Variants in LGSN observed in about 807,000 individuals in gnomAD.
The protein encoded by LGSN is lengsin, lens protein with glutamine synthetase domain, also known as lengsin.
A neutral mutation model predicts 19.5 loss-of-function variants in LGSN; 21 were observed. The observed-to-expected ratio is 1.07, with a 90% CI of 0.76 to 1.55. LGSN has a LOEUF of 1.55. Ranked by LOEUF, LGSN falls within the 40% of genes most tolerant of loss-of-function variation. LGSN has a pLI of 0.00. For missense variants in LGSN, 673 were observed against 608.5 expected, an observed-to-expected ratio of 1.11 and a Z score of -1.12; for synonymous variants, 257 against 215.6, an observed-to-expected ratio of 1.19 and a Z score of -1.68.
In LGSN at chr6:63,309,468, T is replaced by C. The variant is rs533464566; in HGVS notation, c.30+10446A>G. Reference sequence around the variant, plus strand: ...AATAAAGCTCTTCCATTTTCCATCTTTTGTCACCTGGATTGACACAATTTT... The same window carrying C: ...AATAAAGCTCTTCCATTTTCCATCTCTTGTCACCTGGATTGACACAATTTT... On this transcript the variant is annotated intron_variant, in intron 1 of 3. Transcript: ENST00000370657. 2.0e-5 allele frequency among the ~76,000 whole-genome samples: 3 copies of C among 152,304 alleles called. No homozygotes were observed. The South Asian group carries it at 6.2e-4, about 32-fold the overall frequency.
rs367898201 is a variant in LGSN, at chr6:63,278,473, AGT to A, written c.*1546_*1547del. 7 of 152,096 alleles carry A rather than the reference AGT, an allele frequency of 4.6e-5. No individual in the cohort carries two copies. Among genetic ancestry groups the A allele is most frequent in the African/African-American group, 1.7e-4 (7 of 41,458 alleles). The allele number at this position is 152,096 out of a possible 1,614,324, so 9.4% of individuals were successfully genotyped here. A position where few individuals can be genotyped will look rare whatever the true frequency, so the allele number is the denominator to read the frequency against. On this transcript the variant is annotated 3_prime_UTR_variant, in exon 4 of 4. Coordinates refer to ENST00000370657, the MANE Select transcript of LGSN (RefSeq NM_016571.3). ...TTTATTCTTCTCTTTTTTTTAAGAC[AGT>A]GTCTCACTCTGTCACCCAAGCTGGA...
the LGSN span, among the ~76,000 whole-genome samples, chr6:63,486,824 T>A: frequency 3.2e-5 from 4 of 126,034 alleles, no homozygotes; most frequent in African/African-American, 1.9e-4. Context: ...GTTTATTTTA[T>A]TATTATTATT....
At chr6:63,481,147 T>C in the LGSN span, among the ~76,000 whole-genome samples, 1 of 151,982 alleles carries the variant, frequency 6.6e-6, no homozygotes, top group Non-Finnish European at 1.5e-5. Context: ...TGTTCTCACT[T>C]ATAAGTGGAA....
At chr6:63,509,213 C>T in the LGSN span, among the ~76,000 whole-genome samples, 1 of 151,722 alleles carries the variant, frequency 6.6e-6, no homozygotes, top group Non-Finnish European at 1.5e-5. Context: ...TACAGGCGCA[C>T]ACCACCACTT....
the LGSN span, among the ~76,000 whole-genome samples, chr6:63,517,968 C>A: frequency 6.6e-6 from 1 of 152,100 alleles, no homozygotes; most frequent in Non-Finnish European, 1.5e-5. Context: ...GCCTGGCCAG[C>A]ATGGTGAAAC....
chr6:63,520,771 T>C, the LGSN span, among the ~76,000 whole-genome samples: 2 of 152,192 alleles, frequency 1.3e-5, no homozygotes, highest in Non-Finnish European at 2.9e-5. Context: ...ATGATTAGTG[T>C]CAGAGTTACT....
chr6:63,319,851 A>AT lies in LGSN; in HGVS notation c.30+62dup, dbSNP rs200879876. 6.4e-4 allele frequency: 758 copies of AT among 1,192,244 alleles called. 5 individuals are homozygous for AT. In the African/African-American group the frequency reaches 9.7e-3, roughly 15 times the overall value. 73.9% of individuals were successfully genotyped at this position (1,192,244 alleles called of 1,614,324 possible). A position where few individuals can be genotyped will look rare whatever the true frequency, so the allele number is the denominator to read the frequency against. The stretch of plus-strand genomic sequence containing the variant: ...TCTTACTGGCATTCAAATAATTGAC[A>AT]TTTTTTAAAAAGATTTACTGTCAAT... On this transcript the variant is annotated intron_variant, in intron 1 of 3. Coordinates refer to ENST00000370657, the MANE Select transcript of LGSN (RefSeq NM_016571.3).
At chr6:63,320,815 C>T (rs971940357), upstream of LGSN, among the ~76,000 whole-genome samples, 1 of 152,180 alleles carries the variant, frequency 6.6e-6, no homozygotes, top group African/African-American at 2.4e-5. Context: ...TCACTTCTTC[C>T]TGGTCTTCTG....
the LGSN span, among the ~76,000 whole-genome samples, chr6:63,409,093 G>T: frequency 6.6e-6 from 1 of 152,032 alleles, no homozygotes; most frequent in African/African-American, 2.4e-5. Context: ...AAAATATTTT[G>T]TAGAGACAGG....
At chr6:63,479,545 C>T in the LGSN span, among the ~76,000 whole-genome samples, 1 of 152,034 alleles carries the variant, frequency 6.6e-6, no homozygotes, top group Non-Finnish European at 1.5e-5. Flanking sequence ...CGAGACCATC[C>T]TGGCCAATAT....
the LGSN span, among the ~76,000 whole-genome samples, chr6:63,510,569 T>C: frequency 6.6e-6 from 1 of 151,298 alleles, no homozygotes; most frequent in South Asian, 2.1e-4. Context: ...TTCTCCCCAC[T>C]TTCGTTCAAT....
chr6:63,376,860 C>T, the LGSN span, among the ~76,000 whole-genome samples: 1 of 152,194 alleles, frequency 6.6e-6, no homozygotes. Flanking sequence ...TCTACATTCA[C>T]AAGTGGCCAC....
chr6:63,405,599 G>C, the LGSN span, among the ~76,000 whole-genome samples: 1 of 152,174 alleles, frequency 6.6e-6, no homozygotes, highest in Non-Finnish European at 1.5e-5. Flanking sequence ...CTGCATAAAT[G>C]TCTTCTTTTG....
the LGSN span, among the ~76,000 whole-genome samples, chr6:63,554,525 C>T: frequency 1.3e-5 from 2 of 152,158 alleles, no homozygotes; most frequent in South Asian, 2.1e-4. Flanking sequence ...AGGCCGGGCA[C>T]GGTGGCTCAC....
the LGSN span, among the ~76,000 whole-genome samples, chr6:63,336,953 T>A: frequency 6.7e-6 from 1 of 149,392 alleles, no homozygotes; most frequent in South Asian, 2.1e-4. Context: ...AGATGGAGTC[T>A]CACCCTGTCA....
chr6:63,444,059 G>A, the LGSN span, among the ~76,000 whole-genome samples: 1 of 152,108 alleles, frequency 6.6e-6, no homozygotes, highest in Non-Finnish European at 1.5e-5. Context: ...CATAATAGGA[G>A]TCACCCAGAG....
the LGSN span, among the ~76,000 whole-genome samples, chr6:63,551,211 G>C: frequency 6.6e-6 from 1 of 151,856 alleles, no homozygotes; most frequent in Non-Finnish European, 1.5e-5. Flanking sequence ...GACTACAGGG[G>C]CGCGCCACCA....
the LGSN span, among the ~76,000 whole-genome samples, chr6:63,569,656 T>C: frequency 6.6e-6 from 1 of 152,358 alleles, no homozygotes; most frequent in African/African-American, 2.4e-5. Context: ...CCTATCGTGA[T>C]GAGGTTAAGG....
At chr6:63,340,376 C>A in the LGSN span, among the ~76,000 whole-genome samples, 1 of 152,068 alleles carries the variant, frequency 6.6e-6, no homozygotes, top group African/African-American at 2.4e-5. Flanking sequence ...TCCCCATCTC[C>A]TCTCCTTCTG....
Sources: allele counts gnomAD v4.1 joint callset (sites outside exome capture counted in the v4.1 genomes callset), GRCh38; gene constraint gnomAD v4.1.1; transcripts MANE v1.5; gene names NCBI Gene and HGNC (gene_info 2026-07-23, HGNC 2026-07-21).